IDH3G: variants seen among roughly 807,000 people sequenced by gnomAD.
The protein encoded by IDH3G is isocitrate dehydrogenase (NAD(+)) 3 non-catalytic subunit gamma, also known as isocitrate dehydrogenase [NAD] subunit gamma, mitochondrial.
In IDH3G, 9 loss-of-function variants were observed where a neutral mutation model predicts 26.9. That is an observed-to-expected ratio of 0.34 (90% CI 0.20 to 0.58). The LOEUF is 0.58. IDH3G is among the 20% of genes least tolerant of loss of function. The probability of loss-of-function intolerance (pLI) is 0.85; values close to 1 mark genes in which losing one functional copy is unlikely to be tolerated. For synonymous variants in IDH3G, 181 were observed against 160.0 expected (o/e 1.13, Z -0.99); for missense variants, 250 against 372.8 (o/e 0.67, Z 2.71).
chrX:153,794,022 G>GC lies in IDH3G; in HGVS notation c.81+223dup, dbSNP rs2092121609. On this transcript the variant is annotated intron_variant, in intron 1 of 12. Transcript: ENST00000217901. Reference sequence around the variant, plus strand: ...CCCACTCTCCCGGCCCGTCCGGAGGGCCCCCCGCCACCCGATGCAGACCCC... The same window carrying GC: ...CCCACTCTCCCGGCCCGTCCGGAGGGCCCCCCCGCCACCCGATGCAGACCCC... The GC allele has an allele frequency of 2.7e-5, 10 of 369,320 alleles. No individual in the cohort carries two copies. In the East Asian group the frequency reaches 2.7e-4, roughly 10 times the overall value. The allele number at this position is 369,320 out of a possible 1,213,427, so 30.4% of individuals were successfully genotyped here.
Position 153,787,818 on chromosome X carries a change from C to T in IDH3G, c.540+5G>A. On this transcript the variant is annotated splice_donor_5th_base_variant and intron_variant, in intron 7 of 12. Transcript: ENST00000217901. Reference sequence around the variant, plus strand: ...GGGGGCTCATCTCGGGCCCCCCATGCACACCTCATGCTCCAGGCTGCTGTA... The same window carrying T: ...GGGGGCTCATCTCGGGCCCCCCATGTACACCTCATGCTCCAGGCTGCTGTA... The T allele has an allele frequency of 8.3e-7, 1 of 1,204,660 alleles. No individual in the cohort carries two copies.
chrX:153,786,586 G>C (rs1323034239), intron 10 of IDH3G, 137 bp from the exon 11 acceptor site: 1 of 610,671 alleles, frequency 1.6e-6, no homozygotes, highest in Non-Finnish European at 2.6e-6. Flanking sequence ...TTGGGGGAAG[G>C]TGTGGGGACA....
chrX:153,791,070 T>C, intron 1 of IDH3G: 1 of 370,694 alleles, frequency 2.7e-6, no homozygotes. Context: ...GCCTCCTGCC[T>C]CCTTCCGCTC....
At chrX:153,789,980 T>C (rs1273311214) in intron 4 of IDH3G, 156 bp from the exon 5 acceptor site, 39 of 483,135 alleles carry the variant, frequency 8.1e-5, no homozygotes, top group Non-Finnish European at 1.3e-4. Context: ...GGGGACACGC[T>C]TGAACTCCAC....
rs1557070331 is a variant in IDH3G at position 153,790,816 on chromosome X, G to C, written c.117C>G (p.Ile39Met). 2 of 1,210,490 alleles carry C rather than the reference G, an allele frequency of 1.7e-6. No individual in the cohort carries two copies. The highest frequency in any genetic ancestry group is 2.2e-6 in the Non-Finnish European group (2 of 894,656). ...GGCACGGGCAGGTACTTACTGAAAAGATGTTCCTCGAGGGGACCTCGTGGG... is the reference window on the plus strand; with the variant it reads ...GGCACGGGCAGGTACTTACTGAAAACATGTTCCTCGAGGGGACCTCGTGGG... ...LGAHEVPSRN[I>M]FSEQTIPPSA... is the part of the protein sequence containing the mutation. Residue 39 changes from isoleucine to methionine, a missense_variant, in exon 2 of 13, where the codon ATC becomes ATG. By Grantham distance (10) the Ile-to-Met change is conservative. Coordinates refer to ENST00000217901, the MANE Select transcript of IDH3G (RefSeq NM_004135.4).
At chrX:153,788,235 A>G in intron 5 of IDH3G, 100 bp from the exon 6 acceptor site, 2 of 815,362 alleles carry the variant, frequency 2.5e-6, no homozygotes, top group Non-Finnish European at 3.6e-6. Context: ...GGGAGCAAAA[A>G]TGTTTCCTGA....
chrX:153,791,111 G>A, intron 1 of IDH3G: 2 of 349,379 alleles, frequency 5.7e-6, no homozygotes. Context: ...GCGTGTCCCT[G>A]CCCTCCCTCC....
intron 1 of IDH3G, 25 bp from the exon 2 acceptor site, chrX:153,790,876 T>C (rs1053279379): frequency 1.5e-5 from 18 of 1,204,315 alleles, no homozygotes; most frequent in Non-Finnish European, 1.8e-5. Context: ...ATGCCAGCGG[T>C]TGGTTTGATG....
intron 8 of IDH3G, 133 bp downstream of exon 8, chrX:153,787,331 G>T: frequency 1.1e-6 from 1 of 887,461 alleles, no homozygotes; most frequent in Non-Finnish European, 1.6e-6. Context: ...AGGCCTCGAG[G>T]GCAACAGGGC....
rs782724991 is a variant in IDH3G at position 153,789,012 on chromosome X, G to A, written c.346+700C>T. 2.7e-4 allele frequency: 82 copies of A among 307,143 alleles called. 2 individuals are homozygous for A. The highest frequency in any genetic ancestry group is 1.8e-3 in the African/African-American group (68 of 36,831). The allele number at this position is 307,143 out of a possible 1,213,427, so 25.3% of individuals were successfully genotyped here. On this transcript the variant is annotated intron_variant, in intron 5 of 12. Transcript: ENST00000217901. ...GTGAAGAAAGATGCTGAGGGTCAAA[G>A]CTGACCCCAGCAGAGAGGACTGTCT...
intron 8 of IDH3G, 84 bp from the exon 9 acceptor site, chrX:153,787,237 G>C: frequency 1.2e-6 from 1 of 816,393 alleles, no homozygotes; most frequent in Non-Finnish European, 1.8e-6. Context: ...GGCCCCAGGA[G>C]GCTGGGGTCT....
chrX:153,791,523 C>T (rs1013252784), intron 1 of IDH3G, among the ~76,000 whole-genome samples: 7 of 112,679 alleles, frequency 6.2e-5, no homozygotes, highest in African/African-American at 2.3e-4. Flanking sequence ...ATGTCCCCAA[C>T]GCCCTGACTG....
rs782272256 is a variant in IDH3G, at chrX:153,786,951, C to T, written c.778-4G>A. On this transcript the variant is annotated splice_polypyrimidine_tract_variant and splice_region_variant and intron_variant, in intron 9 of 12. Coordinates refer to ENST00000217901, the MANE Select transcript of IDH3G (RefSeq NM_004135.4). The stretch of plus-strand genomic sequence containing the variant: ...ACTGCTGGGGCCGGGACACCAGCTG[C>T]GGGACAAGGAGGGGGCTGGCTGAGG... The T allele has an allele frequency of 4.0e-5, 48 of 1,206,383 alleles. No individual in the cohort carries two copies. The highest frequency in any genetic ancestry group is 5.2e-5 in the African/African-American group (3 of 57,434).
At chrX:153,790,348 C>G (rs1229153780) in intron 3 of IDH3G, 56 bp from the exon 4 acceptor site, 1 of 1,041,363 alleles carries the variant, frequency 9.6e-7, no homozygotes, top group Non-Finnish European at 1.3e-6. Context: ...GCCCCCAGCT[C>G]GGCCCCCATG....
intron 10 of IDH3G, 33 bp downstream of exon 10, chrX:153,786,768 G>A (rs1198688162): frequency 4.2e-6 from 5 of 1,185,682 alleles, no homozygotes; most frequent in Non-Finnish European, 5.7e-6. Context: ...CAGGAGAAAG[G>A]CGGCAAGCCG....
rs782341152 is a variant in IDH3G at position 153,790,988 on chromosome X, A to T, written c.82-137T>A. The T allele has an allele frequency of 7.7e-5, 40 of 520,622 alleles. 1 individual carries two copies. In the South Asian group the frequency reaches 1.2e-3, roughly 15 times the overall value. 42.9% of individuals were successfully genotyped at this position (520,622 alleles called of 1,213,427 possible). A position where few individuals can be genotyped will look rare whatever the true frequency, so the allele number is the denominator to read the frequency against. On this transcript the variant is annotated intron_variant, in intron 1 of 12. Coordinates refer to ENST00000217901, the MANE Select transcript of IDH3G (RefSeq NM_004135.4). ...CATGGCCCACTGCCAGGGGCACAAT[A>T]GATAATTAGCTCCAAAGCCTCAGTC... is the stretch of plus-strand genomic sequence containing the variant.
At chrX:153,790,349 G>C (rs915018512) in intron 3 of IDH3G, 57 bp from the exon 4 acceptor site, 1 of 1,010,949 alleles carries the variant, frequency 9.9e-7, no homozygotes, top group African/African-American at 1.9e-5. Context: ...CCCCCAGCTC[G>C]GCCCCCATGG....
chrX:153,789,277 G>A (rs1052268109), intron 5 of IDH3G: 3 of 323,344 alleles, frequency 9.3e-6, no homozygotes, highest in South Asian at 2.8e-5. Context: ...TGGGCACGAC[G>A]GCTCACGCCT....
intron 6 of IDH3G, 35 bp from the exon 7 acceptor site, chrX:153,787,990 G>A (rs1557069609): frequency 8.3e-6 from 10 of 1,210,111 alleles, no homozygotes; most frequent in African/African-American, 1.7e-5. Flanking sequence ...TGCTAGGCCT[G>A]ACAGGTGGCT....
Sources: allele counts gnomAD v4.1 joint callset (sites outside exome capture counted in the v4.1 genomes callset), GRCh38; gene constraint gnomAD v4.1.1; transcripts MANE v1.5; gene names NCBI Gene and HGNC (gene_info 2026-07-23, HGNC 2026-07-21).